The following C8orf34 variants were observed in gnomAD, a reference collection of about 807,000 sequenced individuals.
The protein encoded by C8orf34 is uncharacterized protein C8orf34.
Under a neutral mutation model 68.3 loss-of-function variants are expected in C8orf34, and 65 were observed. The ratio of observed to expected loss-of-function variants is 0.95; its 90% CI spans 0.78 to 1.17. C8orf34 has a LOEUF of 1.17. C8orf34 is among the 50% of genes most tolerant of loss of function. The probability of loss-of-function intolerance (pLI) is 0.00; values close to 1 mark genes in which losing one functional copy is unlikely to be tolerated. For synonymous variants in C8orf34, 244 were observed against 241.2 expected, an observed-to-expected ratio of 1.01 and a Z score of -0.11; for missense variants, 664 against 655.4, an observed-to-expected ratio of 1.01 and a Z score of -0.14.
At chr8:68,702,889 G>T (rs963476049) in intron 8 of C8orf34, among the ~76,000 whole-genome samples, 4 of 152,098 alleles carry the variant, frequency 2.6e-5, no homozygotes, top group Non-Finnish European at 2.9e-5. Flanking sequence ...GCTGTTGTGA[G>T]TGTATCTTTA....
chr8:68,711,075 C>G (rs1461498452), intron 9 of C8orf34, among the ~76,000 whole-genome samples: 1 of 152,140 alleles, frequency 6.6e-6, no homozygotes, highest in Non-Finnish European at 1.5e-5. Flanking sequence ...AAAACACTCA[C>G]TACAGTTCAG....
At chr8:68,811,898 G>T (rs535292353) in intron 12 of C8orf34, among the ~76,000 whole-genome samples, 1 of 152,102 alleles carries the variant, frequency 6.6e-6, no homozygotes, top group Non-Finnish European at 1.5e-5. Context: ...ATTTAAATTC[G>T]AATCTAACCC....
intron 1 of C8orf34, among the ~76,000 whole-genome samples, chr8:68,339,731 G>A (rs933655335): frequency 1.3e-5 from 2 of 151,698 alleles, no homozygotes; most frequent in South Asian, 4.2e-4. Flanking sequence ...GTGAGCTTGG[G>A]TTTGGAAAAT....
intron 1 of C8orf34, among the ~76,000 whole-genome samples, chr8:68,341,912 G>A (rs926381217): frequency 6.0e-4 from 92 of 152,206 alleles, no homozygotes; most frequent in African/African-American, 2.1e-3. Context: ...CAGGGGTTGA[G>A]GGTGGAGTGT....
Position 68,370,997 on chromosome 8 carries a change from G to A in C8orf34, c.327+39658G>A, listed in dbSNP as rs182861350. ...TAAAAAAAGTGGTGGCTGGGGGTGGGTCTTAAGGGAAAGAGGTATCCCATT... is the reference window on the plus strand; with the variant it reads ...TAAAAAAAGTGGTGGCTGGGGGTGGATCTTAAGGGAAAGAGGTATCCCATT... On this transcript the variant is annotated intron_variant, in intron 1 of 13. Transcript: ENST00000518698. 8.3e-4 allele frequency among the ~76,000 whole-genome samples: 127 copies of A among 152,226 alleles called. 1 individual carries two copies. The highest frequency in any genetic ancestry group is 3.4e-3 in the Middle Eastern group (1 of 294).
intron 3 of C8orf34, among the ~76,000 whole-genome samples, chr8:68,464,435 A>G (rs1812007814): frequency 6.6e-6 from 1 of 151,852 alleles, no homozygotes. Flanking sequence ...TCTTCACAGA[A>G]TTGGAAAAAA....
At chr8:68,437,806 C>T (rs187706838) in intron 1 of C8orf34, 117 of 152,196 alleles carry the variant, frequency 7.7e-4, no homozygotes, top group African/African-American at 2.6e-3. Context: ...CTTTTTACTT[C>T]TAACTCTGTG....
At chr8:68,789,501 C>A (rs1293184426) in intron 12 of C8orf34, among the ~76,000 whole-genome samples, 1 of 152,160 alleles carries the variant, frequency 6.6e-6, no homozygotes, top group Non-Finnish European at 1.5e-5. Flanking sequence ...AAAGGATATG[C>A]AAATCCCCAG....
chr8:68,398,598 T>TTAA (rs1808815722), intron 1 of C8orf34, among the ~76,000 whole-genome samples: 1 of 152,166 alleles, frequency 6.6e-6, no homozygotes, highest in South Asian at 2.1e-4. Context: ...TCACTATGTA[T>TTAA]TAATATAAGT....
chr8:68,359,929 G>T (rs906374443), intron 1 of C8orf34, among the ~76,000 whole-genome samples: 1 of 152,284 alleles, frequency 6.6e-6, no homozygotes, highest in Non-Finnish European at 1.5e-5. Context: ...ATCAGCAGCT[G>T]CCTTCACAGC....
chr8:68,415,655 A>C (rs1488650539), intron 1 of C8orf34, among the ~76,000 whole-genome samples: 2 of 152,202 alleles, frequency 1.3e-5, no homozygotes, highest in Admixed American at 1.3e-4. Flanking sequence ...TAAGCTGAAG[A>C]TTACTTAGCC....
At chr8:68,534,810 A>G in intron 7 of C8orf34, 1 of 985,416 alleles carries the variant, frequency 1.0e-6, no homozygotes, top group South Asian at 4.7e-5. Context: ...GGTACTCCCT[A>G]GATCTCAGCT....
At chr8:68,582,793 A>C (rs1223155716) in intron 7 of C8orf34, among the ~76,000 whole-genome samples, 1 of 152,140 alleles carries the variant, frequency 6.6e-6, no homozygotes, top group Non-Finnish European at 1.5e-5. Flanking sequence ...GTTGATTAAC[A>C]TGCATGTCAC....
intron 1 of C8orf34, among the ~76,000 whole-genome samples, chr8:68,427,047 A>G (rs1030550371): frequency 6.6e-6 from 1 of 152,228 alleles, no homozygotes; most frequent in East Asian, 1.9e-4. Flanking sequence ...ATATCACTGT[A>G]AAGATGTAAG....
intron 8 of C8orf34, among the ~76,000 whole-genome samples, chr8:68,707,838 C>G (rs528259830): frequency 6.6e-6 from 1 of 152,088 alleles, no homozygotes; most frequent in Non-Finnish European, 1.5e-5. Context: ...TTTAATGCAC[C>G]TCTGTACCTT....
chr8:68,557,428 A>G (rs1816288207), intron 7 of C8orf34, among the ~76,000 whole-genome samples: 1 of 152,218 alleles, frequency 6.6e-6, no homozygotes, highest in Admixed American at 6.5e-5. Context: ...ATTGCTTCCT[A>G]AAGATACCAG....
intron 4 of C8orf34, among the ~76,000 whole-genome samples, chr8:68,484,330 T>C (rs1234195048): frequency 6.6e-6 from 1 of 152,146 alleles, no homozygotes; most frequent in Non-Finnish European, 1.5e-5. Flanking sequence ...ACCTCTAACA[T>C]TGGGGATTAC....
chr8:68,408,977 C>T (rs997687950), intron 1 of C8orf34, among the ~76,000 whole-genome samples: 24 of 152,028 alleles, frequency 1.6e-4, no homozygotes, highest in Admixed American at 3.3e-4. Context: ...TTAGTAGAGA[C>T]GCGGTTTCAC....
intron 12 of C8orf34, among the ~76,000 whole-genome samples, chr8:68,796,416 A>C (rs959717712): frequency 6.6e-6 from 1 of 152,138 alleles, no homozygotes; most frequent in Non-Finnish European, 1.5e-5. Context: ...TATTTGAGGA[A>C]TGGAAGTATG....
Sources: gnomAD v4.1 joint callset for allele counts (sites outside exome capture counted in the v4.1 genomes callset) on GRCh38, gnomAD v4.1.1 for gene constraint, MANE v1.5 for transcripts, NCBI Gene and HGNC (gene_info 2026-07-23, HGNC 2026-07-21) for gene names.